CCDC102B: variants seen among roughly 807,000 people sequenced by gnomAD.
CCDC102B encodes coiled-coil domain-containing protein 102B.
In CCDC102B, 75 loss-of-function variants were observed where a neutral mutation model predicts 57.4. The observed-to-expected ratio is 1.31, with a 90% CI of 1.08 to 1.58. The LOEUF (loss-of-function observed/expected upper bound fraction) is 1.58. Among genes scored for constraint, CCDC102B ranks in the 40% most tolerant of loss-of-function variants. The pLI, the probability that CCDC102B is intolerant of heterozygous loss-of-function variation, is 0.00. For missense variants in CCDC102B, 636 were observed against 582.6 expected (o/e 1.09, Z -0.94); for synonymous variants, 206 against 201.9 (o/e 1.02, Z -0.17).
At chr18:68,768,509 C>G (rs761519120) in intron 2 of CCDC102B, among the ~76,000 whole-genome samples, 1 of 152,118 alleles carries the variant, frequency 6.6e-6, no homozygotes, top group Non-Finnish European at 1.5e-5. Flanking sequence ...TTTTGCATTA[C>G]TGATTACTTT....
intron 6 of CCDC102B, among the ~76,000 whole-genome samples, chr18:68,986,779 T>G (rs928042401): frequency 1.2e-4 from 18 of 151,960 alleles, no homozygotes; most frequent in African/African-American, 4.3e-4. Context: ...TCTATACACA[T>G]TCAAGCTGAC....
At chr18:68,944,610 G>T (rs1313174286) in intron 6 of CCDC102B, among the ~76,000 whole-genome samples, 1 of 148,724 alleles carries the variant, frequency 6.7e-6, no homozygotes, top group Non-Finnish European at 1.5e-5. Context: ...CCTCCCAAAA[G>T]CCTTGCATAC....
At chr18:69,010,896 A>G (rs2051496600) in intron 6 of CCDC102B, 38 bp from the exon 7 acceptor site, 2 of 1,474,858 alleles carry the variant, frequency 1.4e-6, no homozygotes, top group Non-Finnish European at 9.2e-7. Context: ...TTATCAGAAT[A>G]GACTATAAAT....
chr18:68,735,406 T>A (rs1456994654), intron 2 of CCDC102B, among the ~76,000 whole-genome samples: 1 of 152,186 alleles, frequency 6.6e-6, no homozygotes, highest in Non-Finnish European at 1.5e-5. Flanking sequence ...TAATTTTATA[T>A]CCAACATTCT....
chr18:68,882,842 A>C (rs1239337571), intron 5 of CCDC102B, among the ~76,000 whole-genome samples: 1 of 152,202 alleles, frequency 6.6e-6, no homozygotes, highest in Non-Finnish European at 1.5e-5. Flanking sequence ...TTGCAGGGAC[A>C]TGGATGGGGC....
intron 4 of CCDC102B, among the ~76,000 whole-genome samples, chr18:68,855,042 C>T (rs1008666309): frequency 3.9e-5 from 6 of 152,112 alleles, no homozygotes; most frequent in African/African-American, 7.2e-5. Flanking sequence ...TCATATGTGA[C>T]GGGAGAGTTA....
rs558952100 is a variant in CCDC102B, at chr18:68,847,819, C to T, written c.936+1398C>T. Reference sequence around the variant, plus strand: ...GTGCATATTTCAGTTAAATGAACCACAAAGTTGAATAATGAAGGCAGTGAA... The same window carrying T: ...GTGCATATTTCAGTTAAATGAACCATAAAGTTGAATAATGAAGGCAGTGAA... On this transcript the variant is annotated intron_variant, in intron 4 of 7. Transcript: ENST00000360242. 1.3e-5 allele frequency among the ~76,000 whole-genome samples: 2 copies of T among 151,646 alleles called. 1 individual carries two copies. Among genetic ancestry groups the T allele is most frequent in the South Asian group, 4.1e-4 (2 of 4,820 alleles).
At chr18:68,957,874 A>G (rs147643957) in intron 6 of CCDC102B, among the ~76,000 whole-genome samples, 4 of 152,206 alleles carry the variant, frequency 2.6e-5, no homozygotes, top group Non-Finnish European at 5.9e-5. Flanking sequence ...ACTGTTGTAA[A>G]TGACATTACC....
At position 68,811,756 on chromosome 18, in the gene CCDC102B, G is replaced by A. The variant is rs2036274747; in HGVS notation, c.-16+13575G>A. On this transcript the variant is annotated intron_variant, in intron 1 of 7. Coordinates refer to ENST00000360242, the MANE Select transcript of CCDC102B (RefSeq NM_024781.3). ...GAAGGCTTTCTGGAAGGGGAGCATG[G>A]TGAGATGGCAGGAATGACAGGTGAG... Among the ~76,000 whole-genome samples the A allele has an allele frequency of 1.3e-5, 2 of 152,166 alleles. 1 individual carries two copies. The highest frequency in any genetic ancestry group is 4.1e-4 in the South Asian group (2 of 4,828).
At chr18:68,746,966 A>G (rs765591104) in intron 2 of CCDC102B, among the ~76,000 whole-genome samples, 17 of 152,012 alleles carry the variant, frequency 1.1e-4, no homozygotes, top group Non-Finnish European at 2.2e-4. Flanking sequence ...CATCATAACT[A>G]TACACATTTA....
intron 6 of CCDC102B, among the ~76,000 whole-genome samples, chr18:68,940,257 TC>T (rs1244953841): frequency 6.6e-6 from 1 of 151,876 alleles, no homozygotes; most frequent in African/African-American, 2.4e-5. Context: ...GCATATGAAA[TC>T]GTTTTCAGAT....
chr18:68,734,002 C>T (rs923568999), intron 2 of CCDC102B, among the ~76,000 whole-genome samples: 12 of 152,106 alleles, frequency 7.9e-5, no homozygotes, highest in African/African-American at 2.7e-4. Flanking sequence ...GGGGAAACAA[C>T]AGTCTACACG....
chr18:68,970,314 A>T (rs900179001), intron 6 of CCDC102B, among the ~76,000 whole-genome samples: 3 of 152,074 alleles, frequency 2.0e-5, no homozygotes, highest in African/African-American at 7.2e-5. Context: ...AATATAAAGA[A>T]CAAGAACTAC....
At chr18:68,972,429 G>A (rs1245586047) in intron 6 of CCDC102B, among the ~76,000 whole-genome samples, 5 of 152,082 alleles carry the variant, frequency 3.3e-5, no homozygotes, top group Non-Finnish European at 7.4e-5. Flanking sequence ...AGGAATATTA[G>A]GGATTTCATT....
At chr18:68,936,760 TATAC>T (rs56960568) in intron 6 of CCDC102B, among the ~76,000 whole-genome samples, 8 of 74,794 alleles carry the variant, frequency 1.1e-4, no homozygotes, top group Admixed American at 4.1e-4. Context: ...TATATATATA[TATAC>T]ACACATACAT....
chr18:69,057,685 A>G (rs1334745741), downstream of CCDC102B, among the ~76,000 whole-genome samples: 1 of 152,046 alleles, frequency 6.6e-6, no homozygotes, highest in Non-Finnish European at 1.5e-5. Context: ...CATGTATAGG[A>G]ACAGCTAGGA....
At position 69,043,627 on chromosome 18, in the gene CCDC102B, G is replaced by A. The variant is rs935076063; in HGVS notation, c.1435-10403G>A. On this transcript the variant is annotated intron_variant, in intron 7 of 7. Transcript: ENST00000360242. ...TGTTTAACAAAGCACATCTTGCACC[G>A]CCCTTAATCCATTTAACCCTGAGTT... Among the ~76,000 whole-genome samples, 10 of 152,006 alleles carry A rather than the reference G, an allele frequency of 6.6e-5. No homozygotes were observed. In the South Asian group the frequency reaches 1.0e-3, roughly 16 times the overall value.
chr18:69,053,310 T>G (rs1454186123), intron 7 of CCDC102B, among the ~76,000 whole-genome samples: 3 of 147,554 alleles, frequency 2.0e-5, no homozygotes, highest in Non-Finnish European at 4.5e-5. Flanking sequence ...ATAATATATA[T>G]AAATATATTT....
intron 4 of CCDC102B, among the ~76,000 whole-genome samples, chr18:68,853,353 T>C (rs2038219196): frequency 7.1e-5 from 1 of 14,038 alleles, no homozygotes; most frequent in Admixed American, 1.5e-3. Flanking sequence ...TGTTAAATTG[T>C]GAGCTTACTC....
Sources: gnomAD v4.1 joint callset for allele counts (sites outside exome capture counted in the v4.1 genomes callset) on GRCh38, gnomAD v4.1.1 for gene constraint, MANE v1.5 for transcripts, NCBI Gene and HGNC (gene_info 2026-07-23, HGNC 2026-07-21) for gene names.